The following LEPR variants were observed in gnomAD, a reference collection of about 807,000 sequenced individuals.
The protein encoded by LEPR is OB receptor.
A neutral mutation model predicts 114.7 loss-of-function variants in LEPR; 56 were observed. The ratio of observed to expected loss-of-function variants is 0.49; its 90% CI spans 0.39 to 0.61. The LOEUF is 0.61. Among genes scored for constraint, LEPR ranks in the 20% least tolerant of loss-of-function variants. The pLI, the probability that LEPR is intolerant of heterozygous loss-of-function variation, is 0.00. For missense variants in LEPR, 1,202 were observed against 1,352.9 expected (o/e 0.89, Z 1.75); for synonymous variants, 443 against 461.4 (o/e 0.96, Z 0.51).
At chr1:65,534,196 C>A (rs1450859926) in intron 2 of LEPR, among the ~76,000 whole-genome samples, 1 of 152,052 alleles carries the variant, frequency 6.6e-6, no homozygotes, top group African/African-American at 2.4e-5. Context: ...TTTATTGCCA[C>A]ATTTTAGGTT....
intron 5 of LEPR, among the ~76,000 whole-genome samples, chr1:65,578,653 C>T (rs961415117): frequency 3.9e-5 from 6 of 152,224 alleles, no homozygotes; most frequent in African/African-American, 1.4e-4. Flanking sequence ...AATTGCTCCT[C>T]ACATTCAATC....
intron 2 of LEPR, among the ~76,000 whole-genome samples, chr1:65,466,646 G>T (rs544320780): frequency 6.6e-6 from 1 of 152,086 alleles, no homozygotes; most frequent in Non-Finnish European, 1.5e-5. Context: ...CATTCTCCCC[G>T]TCACTTTTGG....
intron 2 of LEPR, among the ~76,000 whole-genome samples, chr1:65,466,736 T>C (rs1647018149): frequency 6.6e-6 from 1 of 152,216 alleles, no homozygotes; most frequent in Non-Finnish European, 1.5e-5. Context: ...TTTTACTCTT[T>C]TTTCTCTAAT....
chr1:65,447,247 C>T (rs944775217), intron 2 of LEPR, among the ~76,000 whole-genome samples: 3 of 151,974 alleles, frequency 2.0e-5, no homozygotes, highest in Non-Finnish European at 4.4e-5. Flanking sequence ...GTCTGTAATA[C>T]ATTTGAGTTA....
intron 8 of LEPR, among the ~76,000 whole-genome samples, 160 bp from the exon 9 acceptor site, chr1:65,601,232 A>G (rs1002055155): frequency 6.6e-6 from 1 of 152,062 alleles, no homozygotes; most frequent in Non-Finnish European, 1.5e-5. Flanking sequence ...AGATAACTGT[A>G]CACAAACAGG....
chr1:65,571,971 CAAAAA>C (rs72311704), intron 4 of LEPR, among the ~76,000 whole-genome samples: 2 of 60,682 alleles, frequency 3.3e-5, no homozygotes, highest in Non-Finnish European at 5.9e-5. Context: ...CACCCCATCT[CAAAAA>C]AAAAAAAAAA....
intron 5 of LEPR, among the ~76,000 whole-genome samples, chr1:65,583,238 G>A (rs1655108653): frequency 6.6e-6 from 1 of 152,132 alleles, no homozygotes; most frequent in Non-Finnish European, 1.5e-5. Flanking sequence ...AGGGTAAGGG[G>A]CTCAAGTTCA....
At chr1:65,561,449 C>A (rs1653299062) in intron 2 of LEPR, among the ~76,000 whole-genome samples, 1 of 13,550 alleles carries the variant, frequency 7.4e-5, no homozygotes. Flanking sequence ...CTCTTTTTTT[C>A]TTTATTAGTC....
At chr1:65,466,242 T>C (rs1647010590) in intron 2 of LEPR, among the ~76,000 whole-genome samples, 1 of 152,202 alleles carries the variant, frequency 6.6e-6, no homozygotes, top group Non-Finnish European at 1.5e-5. Context: ...TCTCTCAGCA[T>C]TTGCTTGTCT....
chr1:65,462,087 A>G (rs537591626), intron 2 of LEPR, among the ~76,000 whole-genome samples: 43 of 152,136 alleles, frequency 2.8e-4, no homozygotes, highest in Non-Finnish European at 3.4e-4. Context: ...GTTTTGCTGC[A>G]CCCATCAACT....
At chr1:65,531,698 T>G (rs1475055304) in intron 2 of LEPR, among the ~76,000 whole-genome samples, 1 of 152,174 alleles carries the variant, frequency 6.6e-6, no homozygotes, top group Non-Finnish European at 1.5e-5. Flanking sequence ...CCTGGATATA[T>G]TCAATTCTAT....
At chr1:65,540,058 A>G (rs1393636752) in intron 2 of LEPR, among the ~76,000 whole-genome samples, 1 of 152,156 alleles carries the variant, frequency 6.6e-6, no homozygotes, top group Non-Finnish European at 1.5e-5. Context: ...CTCTCCTGAC[A>G]GTTACATGGA....
chr1:65,455,804 C>T (rs1353020409), intron 2 of LEPR, among the ~76,000 whole-genome samples: 1 of 152,222 alleles, frequency 6.6e-6, no homozygotes, highest in African/African-American at 2.4e-5. Context: ...CTGTGGTGGG[C>T]TCCACCCAGT....
At chr1:65,610,138 A>G in intron 13 of LEPR, 32 bp downstream of exon 13, 2 of 1,614,180 alleles carry the variant, frequency 1.2e-6, no homozygotes, top group Non-Finnish European at 1.7e-6. Context: ...GTGTTTTGAA[A>G]GTGCATAAGT....
Position 65,547,073 on chromosome 1 carries a change from T to A in LEPR, c.-20-18473T>A, listed in dbSNP as rs1484714348. On this transcript the variant is annotated intron_variant, in intron 2 of 19. Coordinates refer to ENST00000349533, the MANE Select transcript of LEPR (RefSeq NM_002303.6). ...GCATCTATTGAGATAATCATGTGGT[T>A]TTTGTCTTTGGTTCTGTTTATATGC... Among the ~76,000 whole-genome samples the A allele has an allele frequency of 3.5e-4, 53 of 152,020 alleles. No homozygotes were observed. In the East Asian group the frequency reaches 0.01, roughly 29 times the overall value.
At chr1:65,487,167 A>C (rs911714432) in intron 2 of LEPR, among the ~76,000 whole-genome samples, 1 of 152,192 alleles carries the variant, frequency 6.6e-6, no homozygotes, top group East Asian at 1.9e-4. Flanking sequence ...CAACAACAAT[A>C]TATTAAGCAA....
At chr1:65,581,555 G>T (rs1253737605) in intron 5 of LEPR, among the ~76,000 whole-genome samples, 1 of 151,914 alleles carries the variant, frequency 6.6e-6, no homozygotes, top group Admixed American at 6.6e-5. Context: ...ACCTCCAGTG[G>T]ATCTCTCTGG....
chr1:65,570,456 T>G lies in LEPR; in HGVS notation c.41-17T>G. On this transcript the variant is annotated splice_polypyrimidine_tract_variant and intron_variant, in intron 3 of 19. Transcript: ENST00000349533. ...AATGATTACTTTTTTCTATGTGTCTTTTTAATATCCTAACAGAATTTATTT... is the reference window on the plus strand; with the variant it reads ...AATGATTACTTTTTTCTATGTGTCTGTTTAATATCCTAACAGAATTTATTT... 1 of 1,611,074 alleles carries G rather than the reference T, an allele frequency of 6.2e-7. No individual in the cohort carries two copies. The highest frequency in any genetic ancestry group is 1.1e-5 in the South Asian group (1 of 90,760).
At chr1:65,602,286 AGAG>A (rs1283837082) in intron 10 of LEPR, among the ~76,000 whole-genome samples, 3 of 152,054 alleles carry the variant, frequency 2.0e-5, no homozygotes, top group Non-Finnish European at 2.9e-5. Flanking sequence ...TTAGTTGACT[AGAG>A]GAGAATGTGA....
Sources: allele counts gnomAD v4.1 joint callset (sites outside exome capture counted in the v4.1 genomes callset), GRCh38; gene constraint gnomAD v4.1.1; transcripts MANE v1.5; gene names NCBI Gene and HGNC (gene_info 2026-07-23, HGNC 2026-07-21).